The following SPON1 variants were observed in gnomAD, a reference collection of about 807,000 sequenced individuals.
SPON1 encodes spondin-1.
SPON1 carries 52 observed loss-of-function variants against 111.7 expected under a neutral mutation model. The ratio of observed to expected loss-of-function variants is 0.47; its 90% CI spans 0.37 to 0.59. The LOEUF is 0.59. Among genes scored for constraint, SPON1 ranks in the 20% least tolerant of loss-of-function variants. SPON1 has a pLI of 0.00. For missense variants in SPON1, 957 were observed against 1,068.5 expected, an observed-to-expected ratio of 0.90 and a Z score of 1.46; for synonymous variants, 410 against 395.8, an observed-to-expected ratio of 1.04 and a Z score of -0.43.
intron 2 of SPON1, among the ~76,000 whole-genome samples, chr11:14,024,426 T>TG (rs1191464078): frequency 2.0e-5 from 3 of 152,008 alleles, no homozygotes; most frequent in African/African-American, 4.8e-5. Context: ...GCAAGATGGA[T>TG]GGGGGGCCAG....
intron 5 of SPON1, among the ~76,000 whole-genome samples, chr11:14,107,075 T>C (rs1554925006): frequency 6.6e-6 from 1 of 152,204 alleles, no homozygotes; most frequent in African/African-American, 2.4e-5. Flanking sequence ...TTCCTGCACA[T>C]GGAGCCTCCC....
At chr11:13,977,508 T>C (rs939065977) in intron 1 of SPON1, among the ~76,000 whole-genome samples, 2 of 152,242 alleles carry the variant, frequency 1.3e-5, no homozygotes, top group African/African-American at 2.4e-5. Flanking sequence ...GCATTTGTCT[T>C]TCTTATTTTT....
At chr11:14,178,272 A>G (rs1374057277) in intron 6 of SPON1, among the ~76,000 whole-genome samples, 1 of 152,106 alleles carries the variant, frequency 6.6e-6, no homozygotes, top group African/African-American at 2.4e-5. Context: ...AATACAAAAA[A>G]TTAGCCAGGC....
At chr11:14,124,644 G>A (rs1275105630) in intron 5 of SPON1, among the ~76,000 whole-genome samples, 1 of 152,136 alleles carries the variant, frequency 6.6e-6, no homozygotes, top group Non-Finnish European at 1.5e-5. Flanking sequence ...AGAGATTGTA[G>A]GCCAGACATC....
intron 5 of SPON1, among the ~76,000 whole-genome samples, chr11:14,109,846 CT>C (rs562897025): frequency 7.9e-5 from 12 of 152,028 alleles, no homozygotes; most frequent in Non-Finnish European, 1.8e-4. Context: ...AGGAGGAAAA[CT>C]TTTTTCTTCT....
rs545389126 is a variant in SPON1, at chr11:13,980,729, A to G, written c.239-2118A>G. 2.0e-5 allele frequency among the ~76,000 whole-genome samples: 3 copies of G among 152,322 alleles called. No homozygotes were observed. In the East Asian group the frequency reaches 5.8e-4, roughly 29 times the overall value. On this transcript the variant is annotated intron_variant, in intron 1 of 15. Transcript: ENST00000576479. Reference sequence around the variant, plus strand: ...CTCACAAATATTATATGTCAAATGAATTGATTTTTTAAAGTTTAAAAACTT... The same window carrying G: ...CTCACAAATATTATATGTCAAATGAGTTGATTTTTTAAAGTTTAAAAACTT...
intron 5 of SPON1, among the ~76,000 whole-genome samples, chr11:14,110,632 A>G (rs1343875173): frequency 6.6e-6 from 1 of 152,206 alleles, no homozygotes; most frequent in Non-Finnish European, 1.5e-5. Flanking sequence ...TTCTGAGGTC[A>G]AAGGCCCAAG....
intron 6 of SPON1, among the ~76,000 whole-genome samples, chr11:14,232,176 G>A (rs1848810792): frequency 6.6e-6 from 1 of 151,862 alleles, no homozygotes; most frequent in Non-Finnish European, 1.5e-5. Flanking sequence ...CTCTAAAATT[G>A]CAGCATAACT....
In SPON1 at chr11:14,144,496, G is replaced by A. The variant is rs542325737; in HGVS notation, c.825+8928G>A. ...AATACAAAAATTAGCCAGGCGTGGC[G>A]GCAGGCACCTGTAATCCCAGCTACT... is the stretch of plus-strand genomic sequence containing the variant. On this transcript the variant is annotated intron_variant, in intron 6 of 15. Transcript: ENST00000576479. Among the ~76,000 whole-genome samples the A allele has an allele frequency of 1.8e-4, 28 of 152,032 alleles. No individual in the cohort carries two copies. The East Asian group carries it at 2.5e-3, about 14-fold the overall frequency.
At chr11:13,970,302 C>A (rs554138681) in intron 1 of SPON1, among the ~76,000 whole-genome samples, 1 of 152,200 alleles carries the variant, frequency 6.6e-6, no homozygotes, top group Non-Finnish European at 1.5e-5. Flanking sequence ...AGGCTTCTAC[C>A]TTTCGCAGAA....
At position 14,075,425 on chromosome 11, in the gene SPON1, C is replaced by A. The variant is rs781982268; in HGVS notation, c.553+7C>A. ...AAGAAACTTTGTGAACAAGGTAAGA[C>A]CCTGTGGGTGGGGAGGGGGAGGGGC... On this transcript the variant is annotated splice_region_variant and intron_variant, in intron 4 of 15. Coordinates refer to ENST00000576479, the MANE Select transcript of SPON1 (RefSeq NM_006108.4). 14 of 1,549,422 alleles carry A rather than the reference C, an allele frequency of 9.0e-6. No individual in the cohort carries two copies. In the South Asian group the frequency reaches 1.5e-4, roughly 17 times the overall value.
At chr11:14,203,859 G>C (rs1564930475) in intron 6 of SPON1, among the ~76,000 whole-genome samples, 1 of 152,178 alleles carries the variant, frequency 6.6e-6, no homozygotes, top group Non-Finnish European at 1.5e-5. Flanking sequence ...ATTAATGCTG[G>C]TTCTCTGGCA....
chr11:14,261,661 T>G (rs1209403470), intron 14 of SPON1, among the ~76,000 whole-genome samples: 2 of 152,136 alleles, frequency 1.3e-5, no homozygotes, highest in Non-Finnish European at 2.9e-5. Flanking sequence ...GACCACCCAC[T>G]AGAGAAAGCC....
chr11:14,203,439 C>A (rs562290883), intron 6 of SPON1, among the ~76,000 whole-genome samples: 11 of 152,274 alleles, frequency 7.2e-5, no homozygotes, highest in African/African-American at 2.6e-4. Flanking sequence ...TGAAAGACAT[C>A]TTCATATTTT....
intron 7 of SPON1, among the ~76,000 whole-genome samples, chr11:14,245,962 A>G (rs547764758): frequency 6.6e-6 from 1 of 152,344 alleles, no homozygotes; most frequent in South Asian, 2.1e-4. Context: ...CATAATTAAC[A>G]TCAGTTACCA....
chr11:14,091,364 G>A (rs996808608), intron 5 of SPON1, among the ~76,000 whole-genome samples: 5 of 152,230 alleles, frequency 3.3e-5, no homozygotes, highest in East Asian at 1.9e-4. Context: ...GGGACTGGGC[G>A]CCGTGGAGCA....
Position 14,267,793 on chromosome 11 carries a change from A to AT in SPON1, c.*2112dup, listed in dbSNP as rs781972546. 2 of 152,336 alleles carry AT rather than the reference A, an allele frequency of 1.3e-5. No individual in the cohort carries two copies. Among genetic ancestry groups the AT allele is most frequent in the African/African-American group, 2.4e-5 (1 of 41,572 alleles). 9.4% of individuals were successfully genotyped at this position (152,336 alleles called of 1,614,324 possible). A position where few individuals can be genotyped will look rare whatever the true frequency, so the allele number is the denominator to read the frequency against. Reference sequence around the variant, plus strand: ...CTAACAAATCATTTTGGAAATAAAGATTTTTTACTACAAAAATGAAATTTG... The same window carrying AT: ...CTAACAAATCATTTTGGAAATAAAGATTTTTTTACTACAAAAATGAAATTTG... On this transcript the variant is annotated 3_prime_UTR_variant, in exon 16 of 16. Coordinates refer to ENST00000576479, the MANE Select transcript of SPON1 (RefSeq NM_006108.4).
At chr11:14,105,119 T>C (rs1308010075) in intron 5 of SPON1, among the ~76,000 whole-genome samples, 1 of 152,160 alleles carries the variant, frequency 6.6e-6, no homozygotes, top group Non-Finnish European at 1.5e-5. Flanking sequence ...TTAACTATTT[T>C]ATTAATGGTT....
chr11:14,045,356 C>G (rs901772597), intron 3 of SPON1, among the ~76,000 whole-genome samples: 1 of 151,996 alleles, frequency 6.6e-6, no homozygotes, highest in Non-Finnish European at 1.5e-5. Context: ...GGGGGCAGAT[C>G]GCCTGAGGTC....
Sources: gnomAD v4.1 joint callset for allele counts (sites outside exome capture counted in the v4.1 genomes callset) on GRCh38, gnomAD v4.1.1 for gene constraint, MANE v1.5 for transcripts, NCBI Gene and HGNC (gene_info 2026-07-23, HGNC 2026-07-21) for gene names.